DNAJC1: variants seen among roughly 807,000 people sequenced by gnomAD.
The protein encoded by DNAJC1 is DnaJ heat shock protein family (Hsp40) member C1, also known as dnaJ homolog subfamily C member 1.
A neutral mutation model predicts 76.6 loss-of-function variants in DNAJC1; 58 were observed. That is an observed-to-expected ratio of 0.76 (90% confidence interval 0.61 to 0.94). The LOEUF (loss-of-function observed/expected upper bound fraction) is 0.94, where lower values mean the gene tolerates loss of function less well. DNAJC1 is among the 40% of genes least tolerant of loss of function. The probability of loss-of-function intolerance (pLI) is 0.00; values close to 1 mark genes in which losing one functional copy is unlikely to be tolerated. For missense variants in DNAJC1, 689 were observed against 677.3 expected (o/e 1.02, Z -0.19); for synonymous variants, 258 against 267.9 (o/e 0.96, Z 0.36).
At chr10:21,823,437 G>C (rs1377922459) in intron 8 of DNAJC1, among the ~76,000 whole-genome samples, 1 of 152,090 alleles carries the variant, frequency 6.6e-6, no homozygotes, top group Non-Finnish European at 1.5e-5. Flanking sequence ...TTTTTACATA[G>C]GGTAGTTTAG....
At chr10:21,757,285 C>T (rs1297356745) in intron 11 of DNAJC1, among the ~76,000 whole-genome samples, 5 of 152,184 alleles carry the variant, frequency 3.3e-5, no homozygotes, top group South Asian at 2.1e-4. Context: ...GCTGCAGAGC[C>T]GCCCACTTCA....
At chr10:21,875,299 T>C (rs1836168118) in intron 8 of DNAJC1, among the ~76,000 whole-genome samples, 1 of 152,148 alleles carries the variant, frequency 6.6e-6, no homozygotes, top group African/African-American at 2.4e-5. Context: ...GAGACCACAG[T>C]TGTGCACCAC....
chr10:21,953,161 T>C (rs535329436), intron 1 of DNAJC1, among the ~76,000 whole-genome samples: 3 of 152,142 alleles, frequency 2.0e-5, no homozygotes, highest in Admixed American at 1.3e-4. Flanking sequence ...TTAAAATTCC[T>C]AGTTTTTAAT....
chr10:21,836,889 C>T (rs961000658), intron 8 of DNAJC1, among the ~76,000 whole-genome samples: 1 of 152,046 alleles, frequency 6.6e-6, no homozygotes, highest in Non-Finnish European at 1.5e-5. Context: ...GGAGAGCTCC[C>T]TCTCCCTCTC....
At chr10:21,894,235 T>C (rs1482107284) in intron 7 of DNAJC1, among the ~76,000 whole-genome samples, 2 of 152,168 alleles carry the variant, frequency 1.3e-5, no homozygotes, top group African/African-American at 4.8e-5. Flanking sequence ...CTGCCAAACA[T>C]TTCAAGAATT....
At chr10:21,760,023 A>C (rs1834222922) in intron 10 of DNAJC1, among the ~76,000 whole-genome samples, 1 of 152,254 alleles carries the variant, frequency 6.6e-6, no homozygotes, top group African/African-American at 2.4e-5. Context: ...TCAAACCTTA[A>C]AACTGTGCTG....
At chr10:21,928,594 T>A in intron 2 of DNAJC1, 42 bp from the exon 3 acceptor site, 1 of 1,527,022 alleles carries the variant, frequency 6.5e-7, no homozygotes, top group Non-Finnish European at 9.1e-7. Flanking sequence ...TACTCTCAAC[T>A]ATAAGAAATC....
chr10:21,966,687 CTTT>C (rs111881136), intron 1 of DNAJC1, among the ~76,000 whole-genome samples: 19 of 129,940 alleles, frequency 1.5e-4, no homozygotes, highest in East Asian at 2.3e-4. Context: ...TCTTCTTCTT[CTTT>C]TTTTTTTTTT....
At chr10:21,789,915 C>T (rs1412403831) in intron 9 of DNAJC1, among the ~76,000 whole-genome samples, 1 of 146,696 alleles carries the variant, frequency 6.8e-6, no homozygotes, top group Non-Finnish European at 1.5e-5. Context: ...GAGGCTGAAG[C>T]ATGAGAATTG....
chr10:21,995,856 A>C (rs1188769205), intron 1 of DNAJC1, among the ~76,000 whole-genome samples: 1 of 152,222 alleles, frequency 6.6e-6, no homozygotes, highest in Non-Finnish European at 1.5e-5. Context: ...ATGGGAAATG[A>C]AACATAAATT....
intron 7 of DNAJC1, among the ~76,000 whole-genome samples, chr10:21,890,163 G>C (rs537299508): frequency 5.4e-4 from 47 of 87,752 alleles, no homozygotes; most frequent in African/African-American, 2.3e-3. Context: ...TGTAATCTCA[G>C]CACTTTGGGA....
At chr10:21,985,436 G>A (rs58327563) in intron 1 of DNAJC1, among the ~76,000 whole-genome samples, 18,692 of 151,734 alleles carry the variant, frequency 0.12, 2,348 homozygotes, top group African/African-American at 0.33. Context: ...TTTAGCAGAG[G>A]TGGGGTTTCA....
At chr10:21,912,778 G>A (rs894215614) in intron 6 of DNAJC1, among the ~76,000 whole-genome samples, 3 of 151,876 alleles carry the variant, frequency 2.0e-5, no homozygotes, top group African/African-American at 7.3e-5. Context: ...CTAATTAGCT[G>A]TGAATGTTCT....
intron 11 of DNAJC1, 126 bp from the exon 12 acceptor site, chr10:21,756,881 C>T (rs1035156325): frequency 1.9e-5 from 16 of 840,114 alleles, no homozygotes; most frequent in East Asian, 7.9e-5. Context: ...CCAGAGTTCC[C>T]GGGATGTCCT....
intron 3 of DNAJC1, among the ~76,000 whole-genome samples, chr10:21,926,875 T>C (rs1039022959): frequency 6.6e-6 from 1 of 152,156 alleles, no homozygotes; most frequent in African/African-American, 2.4e-5. Context: ...TCCATGTTAA[T>C]GAAGAAACAA....
chr10:21,944,193 T>A (rs1837468456), intron 1 of DNAJC1, among the ~76,000 whole-genome samples: 1 of 150,740 alleles, frequency 6.6e-6, no homozygotes. Flanking sequence ...CATATTATCC[T>A]CCAATTTTAA....
At chr10:21,779,104 G>A (rs1055819644) in intron 9 of DNAJC1, among the ~76,000 whole-genome samples, 1 of 152,220 alleles carries the variant, frequency 6.6e-6, no homozygotes, top group African/African-American at 2.4e-5. Flanking sequence ...CAGGAAGCTC[G>A]AACTGGGTTG....
Position 21,938,887 on chromosome 10 carries a change from GTT to G in DNAJC1, c.223-9748_223-9747del, listed in dbSNP as rs545888504. Among the ~76,000 whole-genome samples, 334 of 152,012 alleles carry G rather than the reference GTT, an allele frequency of 2.2e-3. 3 individuals are homozygous for G. Among genetic ancestry groups the G allele is most frequent in the African/African-American group, 7.7e-3 (318 of 41,364 alleles). On this transcript the variant is annotated intron_variant, in intron 1 of 11. Coordinates refer to ENST00000376980, the MANE Select transcript of DNAJC1 (RefSeq NM_022365.4). Reference sequence around the variant, plus strand: ...AAACTCTTCAGGTTTTTTTTGGTTTGTTTTTTGTTTGTTTGTTTGTTTGAGAC... The same window carrying G: ...AAACTCTTCAGGTTTTTTTTGGTTTGTTTTGTTTGTTTGTTTGTTTGAGAC...
intron 8 of DNAJC1, among the ~76,000 whole-genome samples, chr10:21,825,251 T>C (rs1835229047): frequency 6.6e-6 from 1 of 152,226 alleles, no homozygotes; most frequent in African/African-American, 2.4e-5. Flanking sequence ...AAACACATAT[T>C]TGCATTGTGT....
Sources: allele counts gnomAD v4.1 joint callset (sites outside exome capture counted in the v4.1 genomes callset), GRCh38; gene constraint gnomAD v4.1.1; transcripts MANE v1.5; gene names NCBI Gene and HGNC (gene_info 2026-07-23, HGNC 2026-07-21).